CSMD1: variants seen among roughly 807,000 people sequenced by gnomAD.
The protein encoded by CSMD1 is CUB and sushi domain-containing protein 1.
CSMD1 carries 213 observed loss-of-function variants against 417.5 expected under a neutral mutation model. The ratio of observed to expected loss-of-function variants is 0.51; its 90% CI spans 0.46 to 0.57. CSMD1 has a LOEUF of 0.57. Among genes scored for constraint, CSMD1 ranks in the 20% least tolerant of loss-of-function variants. The probability of loss-of-function intolerance (pLI) is 0.00; values close to 1 mark genes in which losing one functional copy is unlikely to be tolerated. For missense variants in CSMD1, 6,923 were observed against 4,529.7 expected (o/e 1.53, Z -15.17); for synonymous variants, 2,862 against 1,736.8 (o/e 1.65, Z -16.11).
chr8:2,946,775 T>A (rs1802269171), intron 68 of CSMD1, among the ~76,000 whole-genome samples: 1 of 152,216 alleles, frequency 6.6e-6, no homozygotes. Flanking sequence ...TGCTGGAGCT[T>A]AAGTAACAAC....
chr8:3,479,659 A>C (rs1352883107), intron 11 of CSMD1, among the ~76,000 whole-genome samples: 1 of 152,202 alleles, frequency 6.6e-6, no homozygotes, highest in Non-Finnish European at 1.5e-5. Context: ...ATCTCATAAA[A>C]AATATAAATA....
chr8:3,669,570 G>C (rs964520867), intron 7 of CSMD1, among the ~76,000 whole-genome samples: 1 of 152,180 alleles, frequency 6.6e-6, no homozygotes, highest in Non-Finnish European at 1.5e-5. Flanking sequence ...GGGGAATGTA[G>C]CCTGAATGAG....
At chr8:3,416,211 A>G (rs1481718010) in intron 12 of CSMD1, among the ~76,000 whole-genome samples, 1 of 147,016 alleles carries the variant, frequency 6.8e-6, no homozygotes, top group Non-Finnish European at 1.5e-5. Flanking sequence ...CTGAGGCAGG[A>G]GAATGGTGTG....
chr8:4,689,406 G>T (rs369850134), intron 1 of CSMD1, among the ~76,000 whole-genome samples: 5 of 152,034 alleles, frequency 3.3e-5, no homozygotes, highest in Admixed American at 6.6e-5. Context: ...TTGTCTATAT[G>T]TTTCATAAGA....
intron 12 of CSMD1, among the ~76,000 whole-genome samples, chr8:3,412,694 A>G (rs1289639836): frequency 6.6e-6 from 1 of 152,180 alleles, no homozygotes; most frequent in African/African-American, 2.4e-5. Flanking sequence ...AGCTCTACGA[A>G]AGCAAAATGT....
chr8:4,735,506 G>A (rs760639045), intron 1 of CSMD1, among the ~76,000 whole-genome samples: 3 of 152,106 alleles, frequency 2.0e-5, no homozygotes, highest in Admixed American at 6.6e-5. Flanking sequence ...ACATTTTAAT[G>A]CAACTTACAT....
chr8:3,566,098 G>A (rs749374559), intron 10 of CSMD1, among the ~76,000 whole-genome samples: 4 of 152,044 alleles, frequency 2.6e-5, no homozygotes, highest in African/African-American at 7.2e-5. Context: ...AAACAGAAAG[G>A]GAAGGAGGCG....
chr8:4,362,664 C>G (rs1038234909), intron 3 of CSMD1, among the ~76,000 whole-genome samples: 3 of 152,066 alleles, frequency 2.0e-5, no homozygotes, highest in African/African-American at 7.2e-5. Flanking sequence ...AAGGAAAGGA[C>G]AGTGAAATAA....
At chr8:4,661,509 G>T (rs1033815481) in intron 1 of CSMD1, among the ~76,000 whole-genome samples, 2 of 152,166 alleles carry the variant, frequency 1.3e-5, no homozygotes, top group African/African-American at 4.8e-5. Flanking sequence ...GAACGTGAAT[G>T]TGACTCTACA....
At chr8:4,441,095 G>GTTTTTTGTTTTTTTTTT (rs1554478144) in intron 2 of CSMD1, among the ~76,000 whole-genome samples, 1 of 51,296 alleles carries the variant, frequency 1.9e-5, no homozygotes, top group East Asian at 6.7e-4. Flanking sequence ...TAATCAAAAG[G>GTTTTTTGTTTTTTTTTT]TTTTTTTTTT....
intron 49 of CSMD1, among the ~76,000 whole-genome samples, chr8:3,082,296 C>T (rs933995000): frequency 6.6e-6 from 1 of 152,150 alleles, no homozygotes; most frequent in African/African-American, 2.4e-5. Flanking sequence ...TGCTCTTTAA[C>T]GGAGTCTCGT....
At chr8:3,530,158 C>G (rs1019150531) in intron 10 of CSMD1, among the ~76,000 whole-genome samples, 6 of 152,100 alleles carry the variant, frequency 3.9e-5, no homozygotes, top group Non-Finnish European at 5.9e-5. Context: ...GTTGTTTTCT[C>G]TATTCATCTC....
intron 5 of CSMD1, among the ~76,000 whole-genome samples, chr8:3,891,469 C>T (rs868701894): frequency 6.6e-6 from 1 of 152,074 alleles, no homozygotes; most frequent in African/African-American, 2.4e-5. Context: ...TTCCTGTATA[C>T]AGGAGTTTGA....
chr8:4,922,522 G>A (rs1027296685), intron 1 of CSMD1, among the ~76,000 whole-genome samples: 5 of 151,910 alleles, frequency 3.3e-5, no homozygotes, highest in Non-Finnish European at 4.4e-5. Flanking sequence ...TACATTGCTG[G>A]GCAAACCATT....
intron 6 of CSMD1, among the ~76,000 whole-genome samples, chr8:3,715,156 C>T (rs1380031922): frequency 6.6e-6 from 1 of 152,142 alleles, no homozygotes; most frequent in African/African-American, 2.4e-5. Context: ...TTTAAACACA[C>T]ATTTAATTAT....
intron 10 of CSMD1, among the ~76,000 whole-genome samples, chr8:3,509,650 C>A (rs1023254299): frequency 1.3e-5 from 2 of 152,162 alleles, no homozygotes; most frequent in African/African-American, 4.8e-5. Flanking sequence ...TATAAGATAT[C>A]ATCAACCTAA....
At chr8:3,903,028 A>C (rs1350794661) in intron 5 of CSMD1, among the ~76,000 whole-genome samples, 3 of 152,068 alleles carry the variant, frequency 2.0e-5, no homozygotes, top group Non-Finnish European at 4.4e-5. Flanking sequence ...TTTCTGTGTT[A>C]TTAAAGTAGC....
At position 3,181,213 on chromosome 8, in the gene CSMD1, G is replaced by C. The variant is rs756552805; in HGVS notation, c.5622C>G (p.Gly1874=). 2.4e-5 allele frequency: 38 copies of C among 1,607,942 alleles called. No individual in the cohort carries two copies. Among genetic ancestry groups the C allele is most frequent in the Admixed American group, 5.0e-5 (3 of 59,924 alleles). ...TGTTCAGCAGTGCCGGTACTGTGGTGCCTGTAAGAAACAATGCAGATAGAA... is the reference window on the plus strand; with the variant it reads ...TGTTCAGCAGTGCCGGTACTGTGGTCCCTGTAAGAAACAATGCAGATAGAA... ...VTAPRLGSFS[G]TTVPALLNST... is the part of the protein sequence containing the mutation. Residue 1874 remains glycine (G), a splice_region_variant and synonymous_variant, in exon 37 of 70, where the codon GGC becomes GGG. Coordinates refer to ENST00000635120, the MANE Select transcript of CSMD1 (RefSeq NM_033225.6).
chr8:3,767,016 C>A (rs952046129), intron 5 of CSMD1, among the ~76,000 whole-genome samples: 1 of 152,192 alleles, frequency 6.6e-6, no homozygotes, highest in African/African-American at 2.4e-5. Flanking sequence ...CATCTGAGAT[C>A]ATATGAGCTC....
Sources: allele counts gnomAD v4.1 joint callset (sites outside exome capture counted in the v4.1 genomes callset), GRCh38; gene constraint gnomAD v4.1.1; transcripts MANE v1.5; gene names NCBI Gene and HGNC (gene_info 2026-07-23, HGNC 2026-07-21).